The following WNT7B variants were observed in gnomAD, a reference collection of about 807,000 sequenced individuals.
WNT7B encodes the protein protein Wnt-7b.
WNT7B carries 19 observed loss-of-function variants against 38.2 expected under a neutral mutation model. The ratio of observed to expected loss-of-function variants is 0.50; its 90% CI spans 0.35 to 0.73. The LOEUF (loss-of-function observed/expected upper bound fraction) is 0.73. Ranked by LOEUF, WNT7B falls within the 30% of genes least tolerant of loss-of-function variation. The pLI, the probability that WNT7B is intolerant of heterozygous loss-of-function variation, is 0.01. For synonymous variants in WNT7B, 243 were observed against 209.3 expected (o/e 1.16, Z -1.39); for missense variants, 423 against 507.9 (o/e 0.83, Z 1.61).
chr22:45,953,340 C>T (rs1034160397), intron 1 of WNT7B, among the ~76,000 whole-genome samples: 2 of 150,988 alleles, frequency 1.3e-5, no homozygotes, highest in Non-Finnish European at 3.0e-5. Context: ...GTCACCATGT[C>T]CCCAGCTTCC....
rs56800210 is a variant in WNT7B at position 45,926,914 on chromosome 22, G to A, written c.571-3579C>T. ...GAACAATGCGCCCACCCAGCAGGAC[G>A]CTGTGGACCCTCAGTCAGGGAAGGG... On this transcript the variant is annotated intron_variant, in intron 3 of 3. Transcript: ENST00000339464. The A allele has an allele frequency of 1.2e-4, 117 of 985,446 alleles. No homozygotes were observed. The East Asian group carries it at 8.5e-3, about 72-fold the overall frequency. The allele number at this position is 985,446 out of a possible 1,614,324, so 61.0% of individuals were successfully genotyped here.
chr22:45,933,345 C>T lies in WNT7B; in HGVS notation c.299-1976G>A, dbSNP rs75960302. 3.6e-3 allele frequency among the ~76,000 whole-genome samples: 541 copies of T among 152,362 alleles called. 5 individuals are homozygous for T. The highest frequency in any genetic ancestry group is 0.012 in the African/African-American group (511 of 41,584). On this transcript the variant is annotated intron_variant, in intron 2 of 3. Transcript: ENST00000339464. ...AAGGGCCTCATCCTGCCAGCCTCTCCTCTTCTGGCCACTGCCTACCCACGC... is the reference window on the plus strand; with the variant it reads ...AAGGGCCTCATCCTGCCAGCCTCTCTTCTTCTGGCCACTGCCTACCCACGC...
rs866978339 is a variant in WNT7B, at chr22:45,926,436, C to T, written c.571-3101G>A. The T allele has an allele frequency of 3.2e-5, 32 of 985,218 alleles. No homozygotes were observed. The African/African-American group carries it at 5.1e-4, about 16-fold the overall frequency. The allele number at this position is 985,218 out of a possible 1,614,324, so 61.0% of individuals were successfully genotyped here. The stretch of plus-strand genomic sequence containing the variant: ...AGGGGGCTCCAGGAAAGGGCCAATT[C>T]AATGTTCTTTCCAGAATAAGGGTGT... On this transcript the variant is annotated intron_variant, in intron 3 of 3. Transcript: ENST00000339464.
Position 45,975,600 on chromosome 22 carries a change from C to A in WNT7B, c.71+1084G>T. 2.8e-6 allele frequency: 2 copies of A among 716,342 alleles called. No individual in the cohort carries two copies. The highest frequency in any genetic ancestry group is 5.2e-6 in the Non-Finnish European group (2 of 384,442). 44.4% of individuals were successfully genotyped at this position (716,342 alleles called of 1,614,324 possible). A position where few individuals can be genotyped will look rare whatever the true frequency, so the allele number is the denominator to read the frequency against. ...AGGGTGATGGAGAGACGATTCCCAG[C>A]GCCTGCTTCCACCTCTCCGCCTGGG... On this transcript the variant is annotated intron_variant, in intron 1 of 3. Transcript: ENST00000339464. This position sits in a 1 kb window ranked among gnomAD's most constrained non-coding sequence, Gnocchi z 6.6.
chr22:45,931,421 G>C, intron 2 of WNT7B, 52 bp from the exon 3 acceptor site: 2 of 1,514,858 alleles, frequency 1.3e-6, no homozygotes, highest in Non-Finnish European at 1.8e-6. Flanking sequence ...TGGGCCAGGT[G>C]GGCTCAGGGG....
At chr22:45,933,749 TGTGTGTGTGTG>T (rs1385967940) in intron 2 of WNT7B, among the ~76,000 whole-genome samples, 9 of 152,046 alleles carry the variant, frequency 5.9e-5, no homozygotes, top group Admixed American at 2.0e-4. Flanking sequence ...ATTCGCTTGC[TGTGTGTGTGTG>T]GTGTATGTGT....
chr22:45,937,425 G>T (rs1931539949), intron 2 of WNT7B, among the ~76,000 whole-genome samples: 1 of 152,232 alleles, frequency 6.6e-6, no homozygotes, highest in Admixed American at 6.5e-5. Context: ...CAAAATGAGA[G>T]AATTGCTCCA....
chr22:45,963,965 T>C (rs1932253865), intron 1 of WNT7B, among the ~76,000 whole-genome samples: 1 of 151,880 alleles, frequency 6.6e-6, no homozygotes, highest in African/African-American at 2.4e-5. Flanking sequence ...AGCTGCAGCC[T>C]GGAGGGGAGC....
chr22:45,935,961 C>T (rs769584349), intron 2 of WNT7B: 1 of 985,218 alleles, frequency 1.0e-6, no homozygotes, highest in African/African-American at 1.7e-5. Context: ...GGCCTAGGGG[C>T]CTCTCTGAAG....
chr22:45,964,656 G>A (rs1003295385), intron 1 of WNT7B, among the ~76,000 whole-genome samples: 10 of 152,106 alleles, frequency 6.6e-5, no homozygotes, highest in Non-Finnish European at 7.4e-5. Flanking sequence ...GGCCAAGCAC[G>A]CCTGGGGCCA....
chr22:45,934,065 T>C (rs1046854185), intron 2 of WNT7B, among the ~76,000 whole-genome samples: 31 of 152,358 alleles, frequency 2.0e-4, no homozygotes, highest in Middle Eastern at 3.4e-3. Context: ...AGCCCTCACA[T>C]GCGCTCCCAT....
chr22:45,962,858 G>A (rs1338508142), intron 1 of WNT7B, among the ~76,000 whole-genome samples: 1 of 152,242 alleles, frequency 6.6e-6, no homozygotes, highest in Non-Finnish European at 1.5e-5. Flanking sequence ...CAGGACAGAT[G>A]GGTGGGTGGA....
At chr22:45,959,625 C>A (rs1201863499) in intron 1 of WNT7B, among the ~76,000 whole-genome samples, 1 of 152,294 alleles carries the variant, frequency 6.6e-6, no homozygotes, top group Admixed American at 6.5e-5. Context: ...CAAACCACAG[C>A]CCAGCTCTGT....
chr22:45,926,413 G>A (rs953094361), intron 3 of WNT7B: 10 of 985,240 alleles, frequency 1.0e-5, no homozygotes, highest in Non-Finnish European at 1.1e-5. Flanking sequence ...GTGGACTGAG[G>A]GGGCTCCAGG....
intron 1 of WNT7B, among the ~76,000 whole-genome samples, chr22:45,964,801 G>A (rs977559378): frequency 6.6e-6 from 1 of 152,118 alleles, no homozygotes; most frequent in African/African-American, 2.4e-5. Context: ...CCTGAGCACT[G>A]AGGAGGAGGC....
At chr22:45,929,120 C>T (rs1347389186) in intron 3 of WNT7B, among the ~76,000 whole-genome samples, 1 of 152,168 alleles carries the variant, frequency 6.6e-6, no homozygotes, top group Non-Finnish European at 1.5e-5. Flanking sequence ...TGCAGAGGCT[C>T]GAGGATGGTG....
chr22:45,946,065 T>TC (rs36058345), intron 2 of WNT7B, among the ~76,000 whole-genome samples: 1 of 56,446 alleles, frequency 1.8e-5, no homozygotes, highest in African/African-American at 5.4e-5. Flanking sequence ...CTCTGGGCTC[T>TC]AGGGGGATGG....
intron 2 of WNT7B, among the ~76,000 whole-genome samples, chr22:45,936,485 C>G (rs1931517546): frequency 6.6e-6 from 1 of 152,240 alleles, no homozygotes; most frequent in African/African-American, 2.4e-5. Flanking sequence ...CCCTCAAATC[C>G]AGAGTATCAG....
At chr22:45,950,765 A>C (rs1303629230) in intron 1 of WNT7B, among the ~76,000 whole-genome samples, 1 of 152,164 alleles carries the variant, frequency 6.6e-6, no homozygotes, top group Non-Finnish European at 1.5e-5. Flanking sequence ...CCCACCACCC[A>C]ACCAAAGGCT....
Sources: allele counts gnomAD v4.1 joint callset (sites outside exome capture counted in the v4.1 genomes callset), GRCh38; gene constraint gnomAD v4.1.1; non-coding constraint Gnocchi (gnomAD v3.1); transcripts MANE v1.5; gene names NCBI Gene and HGNC (gene_info 2026-07-23, HGNC 2026-07-21).